NEK1: variants seen among roughly 807,000 people sequenced by gnomAD.
NEK1 encodes the protein NIMA related kinase 1, also known as serine/threonine-protein kinase Nek1.
Under a neutral mutation model 182.1 loss-of-function variants are expected in NEK1, and 137 were observed. That is an observed-to-expected ratio of 0.75 (90% CI 0.65 to 0.87). NEK1 has a LOEUF of 0.87. Among genes scored for constraint, NEK1 ranks in the 40% least tolerant of loss-of-function variants. NEK1 has a pLI of 0.00. For missense variants in NEK1, 1,391 were observed against 1,494.4 expected, an observed-to-expected ratio of 0.93 and a Z score of 1.14; for synonymous variants, 513 against 492.2, an observed-to-expected ratio of 1.04 and a Z score of -0.56.
intron 19 of NEK1, among the ~76,000 whole-genome samples, chr4:169,525,850 GCATAATCTTGAGAGTCAGA>G (rs1364091946): frequency 6.6e-6 from 1 of 152,134 alleles, no homozygotes; most frequent in Non-Finnish European, 1.5e-5. Flanking sequence ...ACAGCTAAAA[GCATAATCTTGAGAGTCAGA>G]CATTCTGGGT....
rs1017428583 is a variant in NEK1 at position 169,587,398 on chromosome 4, T to C, written c.606+161A>G. 3.3e-5 allele frequency among the ~76,000 whole-genome samples: 5 copies of C among 151,754 alleles called. 1 individual carries two copies. The highest frequency in any genetic ancestry group is 1.2e-4 in the African/African-American group (5 of 41,374). On this transcript the variant is annotated intron_variant, in intron 9 of 35. Transcript: ENST00000507142. ...AGATATGCATATATACAAAGGGAAA[T>C]CGATTTATACTTCAGAAAAAATGAG...
At chr4:169,547,751 T>C (rs1760759532) in intron 18 of NEK1, among the ~76,000 whole-genome samples, 1 of 152,208 alleles carries the variant, frequency 6.6e-6, no homozygotes, top group African/African-American at 2.4e-5. Flanking sequence ...CCTTTTCCAC[T>C]TGATTGATTC....
Position 169,438,269 on chromosome 4 carries a change from C to CA in NEK1, c.2588-11dup, listed in dbSNP as rs374055570. ...CCTTCGGGAGAAATCTCTGTGAAAA[C>CA]AAAAAATAAAAAATCATGCTAGTTC... is the stretch of plus-strand genomic sequence containing the variant. On this transcript the variant is annotated splice_polypyrimidine_tract_variant and intron_variant, in intron 27 of 35. Transcript: ENST00000507142. The CA allele has an allele frequency of 2.6e-6, 4 of 1,511,602 alleles. No homozygotes were observed. Among genetic ancestry groups the CA allele is most frequent in the South Asian group, 1.3e-5 (1 of 77,110 alleles). 93.6% of individuals were successfully genotyped at this position (1,511,602 alleles called of 1,614,324 possible).
chr4:169,436,068 TA>T (rs1240645819), intron 28 of NEK1, among the ~76,000 whole-genome samples: 1 of 152,092 alleles, frequency 6.6e-6, no homozygotes, highest in Non-Finnish European at 1.5e-5. Flanking sequence ...CACATGTGAC[TA>T]ATTTTCATAT....
chr4:169,540,494 A>G (rs1402040688), intron 18 of NEK1, among the ~76,000 whole-genome samples: 2 of 152,134 alleles, frequency 1.3e-5, no homozygotes, highest in African/African-American at 4.8e-5. Flanking sequence ...CTACTAAACT[A>G]TGGGTATAAA....
intron 18 of NEK1, among the ~76,000 whole-genome samples, chr4:169,541,686 C>T (rs1265190527): frequency 6.6e-6 from 1 of 152,064 alleles, no homozygotes; most frequent in Non-Finnish European, 1.5e-5. Context: ...TCCTATAATG[C>T]CAGTGACCAC....
At chr4:169,548,064 G>C (rs1407297299) in intron 18 of NEK1, among the ~76,000 whole-genome samples, 3 of 152,176 alleles carry the variant, frequency 2.0e-5, no homozygotes, top group Non-Finnish European at 4.4e-5. Context: ...CTGGTTTTTG[G>C]AATTTTCAGC....
At chr4:169,488,715 T>C (rs1749504993) in intron 23 of NEK1, among the ~76,000 whole-genome samples, 2 of 152,192 alleles carry the variant, frequency 1.3e-5, no homozygotes, top group Non-Finnish European at 2.9e-5. Context: ...TTAATAATGC[T>C]AGCTTCAATT....
At chr4:169,497,837 T>C (rs1194502717) in intron 23 of NEK1, among the ~76,000 whole-genome samples, 1 of 152,202 alleles carries the variant, frequency 6.6e-6, no homozygotes, top group Non-Finnish European at 1.5e-5. Context: ...ATGTGGTCAA[T>C]TTTGAAATAG....
At chr4:169,433,190 G>A (rs1023740954) in intron 29 of NEK1, among the ~76,000 whole-genome samples, 1 of 151,932 alleles carries the variant, frequency 6.6e-6, no homozygotes, top group African/African-American at 2.4e-5. Context: ...CTCTCAAGCA[G>A]CTGGGACTAT....
chr4:169,401,264 C>T (rs562941862), intron 33 of NEK1, among the ~76,000 whole-genome samples: 8 of 152,216 alleles, frequency 5.3e-5, no homozygotes, highest in South Asian at 2.1e-4. Context: ...TACAAATTTA[C>T]GAAAAGAGTT....
At chr4:169,549,491 C>T (rs1332115922) in intron 18 of NEK1, among the ~76,000 whole-genome samples, 3 of 152,184 alleles carry the variant, frequency 2.0e-5, no homozygotes, top group Non-Finnish European at 4.4e-5. Flanking sequence ...GGCGTGATCT[C>T]GGCTCACTGC....
rs1406184249 is a variant in NEK1, at chr4:169,607,854, A to T, written c.-49+4166T>A. Among the ~76,000 whole-genome samples the T allele has an allele frequency of 3.3e-5, 5 of 152,188 alleles. No individual in the cohort carries two copies. The East Asian group carries it at 9.6e-4, about 29-fold the overall frequency. ...CATTCATGGATTTACGGCAGACAGGACACAGCAGAAGGCAGGATTACTAGC... is the reference window on the plus strand; with the variant it reads ...CATTCATGGATTTACGGCAGACAGGTCACAGCAGAAGGCAGGATTACTAGC... On this transcript the variant is annotated intron_variant, in intron 2 of 35. Transcript: ENST00000507142.
chr4:169,396,365 C>CAAAA lies in NEK1; in HGVS notation c.3848-1846_3848-1843dup, dbSNP rs70961598. ...TGGGCGACAGAGCAAGACTCCATCT[C>CAAAA]AAAAAAAAAAAAAAAAAAAAAAAAA... On this transcript the variant is annotated intron_variant, in intron 35 of 35. Coordinates refer to ENST00000507142, the MANE Select transcript of NEK1 (RefSeq NM_001199397.3). Among the ~76,000 whole-genome samples the CAAAA allele has an allele frequency of 7.8e-3, 298 of 38,042 alleles. 23 individuals are homozygous for CAAAA. The highest frequency in any genetic ancestry group is 0.012 in the African/African-American group (124 of 10,150). 25.0% of individuals were successfully genotyped at this position (38,042 alleles called of 152,430 possible).
intron 23 of NEK1, among the ~76,000 whole-genome samples, chr4:169,501,560 C>G (rs988013109): frequency 1.1e-4 from 16 of 152,048 alleles, no homozygotes; most frequent in African/African-American, 3.9e-4. Context: ...TCTTCTTGGA[C>G]CATAGTAGAA....
At chr4:169,523,517 A>C (rs1173694874) in intron 19 of NEK1, among the ~76,000 whole-genome samples, 2 of 152,242 alleles carry the variant, frequency 1.3e-5, no homozygotes, top group East Asian at 3.9e-4. Context: ...ACCAAAAGGT[A>C]GGAAGGAGGC....
intron 31 of NEK1, among the ~76,000 whole-genome samples, chr4:169,422,351 T>C (rs1735632046): frequency 6.6e-6 from 1 of 152,124 alleles, no homozygotes; most frequent in Non-Finnish European, 1.5e-5. Flanking sequence ...TTGATGAGAT[T>C]TATTAGAACA....
At chr4:169,444,587 C>T (rs1212720693) in intron 27 of NEK1, among the ~76,000 whole-genome samples, 2 of 152,082 alleles carry the variant, frequency 1.3e-5, no homozygotes, top group Non-Finnish European at 2.9e-5. Context: ...TAGATGTGCA[C>T]TCAACAGCAG....
At chr4:169,411,058 G>A (rs769219092) in intron 31 of NEK1, among the ~76,000 whole-genome samples, 1 of 152,168 alleles carries the variant, frequency 6.6e-6, no homozygotes, top group African/African-American at 2.4e-5. Flanking sequence ...TCAGGCCTAC[G>A]CCTGCTTTCT....
Sources: gnomAD v4.1 joint callset for allele counts (sites outside exome capture counted in the v4.1 genomes callset) on GRCh38, gnomAD v4.1.1 for gene constraint, MANE v1.5 for transcripts, NCBI Gene and HGNC (gene_info 2026-07-23, HGNC 2026-07-21) for gene names.